The following SKAP2 variants were observed in gnomAD, a reference collection of about 807,000 sequenced individuals.
SKAP2 encodes the protein src kinase associated phosphoprotein 2.
SKAP2 carries 28 observed loss-of-function variants against 54.9 expected under a neutral mutation model. That is an observed-to-expected ratio of 0.51 (90% CI 0.38 to 0.70). The LOEUF is 0.70. SKAP2 is among the 30% of genes least tolerant of loss of function. SKAP2 has a pLI of 0.00. For synonymous variants in SKAP2, 137 were observed against 134.3 expected, an observed-to-expected ratio of 1.02 and a Z score of -0.14; for missense variants, 356 against 424.1, an observed-to-expected ratio of 0.84 and a Z score of 1.41.
intron 4 of SKAP2, among the ~76,000 whole-genome samples, chr7:26,817,517 T>G (rs946394835): frequency 6.6e-6 from 1 of 152,130 alleles, no homozygotes; most frequent in Non-Finnish European, 1.5e-5. Flanking sequence ...CTCATGCATT[T>G]TTACCATCCA....
intron 9 of SKAP2, among the ~76,000 whole-genome samples, chr7:26,704,685 A>G (rs912215613): frequency 6.6e-6 from 1 of 152,190 alleles, no homozygotes; most frequent in Non-Finnish European, 1.5e-5. Flanking sequence ...TTCTGTAGAA[A>G]GGGGCTGCCA....
intron 4 of SKAP2, among the ~76,000 whole-genome samples, chr7:26,758,465 C>T (rs1293568298): frequency 6.6e-6 from 1 of 152,094 alleles, no homozygotes; most frequent in African/African-American, 2.4e-5. Context: ...GAAGGTACTA[C>T]TTTGAGAATG....
intron 4 of SKAP2, among the ~76,000 whole-genome samples, chr7:26,823,425 C>CAAAAAAA (rs60207927): frequency 4.3e-5 from 4 of 93,956 alleles, no homozygotes; most frequent in Admixed American, 1.3e-4. Flanking sequence ...GACTTTGTCT[C>CAAAAAAA]AAAAAAAAAA....
chr7:26,851,718 T>C (rs1292590166), intron 3 of SKAP2, among the ~76,000 whole-genome samples: 1 of 128,242 alleles, frequency 7.8e-6, no homozygotes, highest in Non-Finnish European at 1.7e-5. Context: ...AGTATAATAA[T>C]TAAAAAAAAA....
At chr7:26,658,221 T>G in the SKAP2 span, among the ~76,000 whole-genome samples, 7 of 152,340 alleles carry the variant, frequency 4.6e-5, no homozygotes, top group Middle Eastern at 3.4e-3. Flanking sequence ...TGGGGTACTT[T>G]GGAGACCAAT....
intron 4 of SKAP2, among the ~76,000 whole-genome samples, chr7:26,749,515 G>A (rs898310692): frequency 5.3e-5 from 8 of 152,012 alleles, no homozygotes; most frequent in Non-Finnish European, 1.2e-4. Flanking sequence ...TTGGGAGGCT[G>A]AGGCAGAAGG....
chr7:26,748,217 C>T (rs7802852), intron 4 of SKAP2, among the ~76,000 whole-genome samples: 86,711 of 151,916 alleles, frequency 0.57, 25,214 homozygotes, highest in East Asian at 0.88. Context: ...ATTTCTGATT[C>T]GTTGGTCTAA....
chr7:26,835,973 T>C (rs962929056), intron 4 of SKAP2, among the ~76,000 whole-genome samples: 1 of 152,150 alleles, frequency 6.6e-6, no homozygotes, highest in Non-Finnish European at 1.5e-5. Flanking sequence ...CAAAACAGCA[T>C]GGCACTGGTA....
intron 4 of SKAP2, among the ~76,000 whole-genome samples, chr7:26,820,226 A>G (rs1784361266): frequency 6.6e-6 from 1 of 152,232 alleles, no homozygotes; most frequent in African/African-American, 2.4e-5. Context: ...TTGATTTTTA[A>G]AACTGTTAAT....
chr7:26,862,080 C>G (rs1785282218), intron 1 of SKAP2, among the ~76,000 whole-genome samples: 2 of 151,964 alleles, frequency 1.3e-5, no homozygotes, highest in African/African-American at 4.8e-5. Context: ...AATAAGCCAG[C>G]AATATCTCTA....
At chr7:26,699,589 T>C (rs1201892153) in intron 9 of SKAP2, among the ~76,000 whole-genome samples, 1 of 152,144 alleles carries the variant, frequency 6.6e-6, no homozygotes, top group Non-Finnish European at 1.5e-5. Context: ...TATCATTAGA[T>C]AGTATTTTTT....
intron 4 of SKAP2, among the ~76,000 whole-genome samples, chr7:26,792,523 A>T (rs1364601402): frequency 6.6e-6 from 1 of 152,206 alleles, no homozygotes; most frequent in Non-Finnish European, 1.5e-5. Context: ...TTTTATTTGA[A>T]AAATAAGATT....
chr7:26,725,380 A>G (rs1489926194), intron 9 of SKAP2, 48 bp downstream of exon 9: 4 of 1,448,008 alleles, frequency 2.8e-6, no homozygotes, highest in Non-Finnish European at 2.9e-6. Context: ...ACTCACACAC[A>G]CACACACAGC....
At chr7:26,792,251 A>G (rs374119285) in intron 4 of SKAP2, among the ~76,000 whole-genome samples, 115 of 152,334 alleles carry the variant, frequency 7.5e-4, no homozygotes, top group Admixed American at 2.2e-3. Flanking sequence ...GAAATGTTCT[A>G]TATCTTATCA....
chr7:26,843,972 C>T (rs182165624), intron 4 of SKAP2, 58 bp downstream of exon 4: 1 of 1,066,362 alleles, frequency 9.4e-7, no homozygotes. Context: ...AACTACCACC[C>T]ATATATATAG....
intron 4 of SKAP2, among the ~76,000 whole-genome samples, chr7:26,831,329 T>C (rs1341226939): frequency 1.3e-5 from 2 of 152,198 alleles, no homozygotes; most frequent in Admixed American, 6.5e-5. Flanking sequence ...ATATTTGCTA[T>C]AGCAAATTTA....
At chr7:26,838,120 C>T (rs774825997) in intron 4 of SKAP2, among the ~76,000 whole-genome samples, 5 of 152,148 alleles carry the variant, frequency 3.3e-5, no homozygotes, top group Non-Finnish European at 7.4e-5. Context: ...ACTAGATGGT[C>T]TCTACGCCTT....
intron 4 of SKAP2, among the ~76,000 whole-genome samples, chr7:26,754,400 G>GAA (rs59696790): frequency 3.9e-4 from 53 of 135,304 alleles, no homozygotes; most frequent in Admixed American, 1.4e-3. Context: ...TTCAAGATGT[G>GAA]AAAAAAAAAA....
At chr7:26,679,305 T>G (rs552286869) in intron 11 of SKAP2, among the ~76,000 whole-genome samples, 1 of 152,366 alleles carries the variant, frequency 6.6e-6, no homozygotes, top group African/African-American at 2.4e-5. Context: ...AGGGAAGTAC[T>G]TAAGCATATT....
Sources: allele counts gnomAD v4.1 joint callset (sites outside exome capture counted in the v4.1 genomes callset), GRCh38; gene constraint gnomAD v4.1.1; transcripts MANE v1.5; gene names NCBI Gene and HGNC (gene_info 2026-07-23, HGNC 2026-07-21).